The following PEAK1 variants were observed in gnomAD, a reference collection of about 807,000 sequenced individuals.
PEAK1 encodes pseudopodium enriched atypical kinase 1.
A neutral mutation model predicts 124.7 loss-of-function variants in PEAK1; 54 were observed. The ratio of observed to expected loss-of-function variants is 0.43; its 90% CI spans 0.35 to 0.54. The LOEUF (loss-of-function observed/expected upper bound fraction) is 0.54, where lower values mean the gene tolerates loss of function less well. Ranked by LOEUF, PEAK1 falls within the 20% of genes least tolerant of loss-of-function variation. PEAK1 has a pLI of 0.01. For missense variants in PEAK1, 2,046 were observed against 2,134.5 expected (o/e 0.96, Z 0.82); for synonymous variants, 719 against 760.0 (o/e 0.95, Z 0.89).
intron 7 of PEAK1, among the ~76,000 whole-genome samples, chr15:77,173,712 C>G (rs2056665427): frequency 6.6e-6 from 1 of 152,196 alleles, no homozygotes; most frequent in South Asian, 2.1e-4. Flanking sequence ...TTATCCTTTT[C>G]TAGCCACATG....
rs1366133020 is a variant in PEAK1 at position 77,113,004 on chromosome 15, TAGA to T, written c.*1149_*1151del. On this transcript the variant is annotated 3_prime_UTR_variant, in exon 10 of 10. Coordinates refer to ENST00000682557, the MANE Select transcript of PEAK1 (RefSeq NM_001385026.1). Reference sequence around the variant, plus strand: ...CTTAAACACTGGGAGGCAGTCTCTCTAGAAGAGGTCAACCTTCTGAGGAGGTCA... The same window carrying T: ...CTTAAACACTGGGAGGCAGTCTCTCTAGAGGTCAACCTTCTGAGGAGGTCA... 2.0e-5 allele frequency: 3 copies of T among 152,254 alleles called. No individual in the cohort carries two copies. Among genetic ancestry groups the T allele is most frequent in the Non-Finnish European group, 4.4e-5 (3 of 68,080 alleles). The allele number at this position is 152,254 out of a possible 1,614,324, so 9.4% of individuals were successfully genotyped here. A position where few individuals can be genotyped will look rare whatever the true frequency, so the allele number is the denominator to read the frequency against.
At chr15:77,327,645 A>G (rs1449134411) in intron 2 of PEAK1, among the ~76,000 whole-genome samples, 1 of 152,094 alleles carries the variant, frequency 6.6e-6, no homozygotes, top group African/African-American at 2.4e-5. Flanking sequence ...AACTAGTTAT[A>G]GATCATTGTT....
At chr15:77,262,829 C>A (rs1159313277) in intron 5 of PEAK1, among the ~76,000 whole-genome samples, 5 of 152,184 alleles carry the variant, frequency 3.3e-5, no homozygotes, top group Middle Eastern at 3.4e-3. Context: ...CACACCTATT[C>A]CAAAATTGAC....
intron 5 of PEAK1, among the ~76,000 whole-genome samples, chr15:77,276,029 TAAAAC>T (rs1361757605): frequency 6.6e-6 from 1 of 151,554 alleles, no homozygotes; most frequent in Non-Finnish European, 1.5e-5. Context: ...GTACTAAAAA[TAAAAC>T]AATAGAAATT....
In PEAK1 at chr15:77,114,199, G is replaced by A; in HGVS notation, c.5198C>T (p.Thr1733Ile). 1.9e-6 allele frequency: 3 copies of A among 1,614,232 alleles called. No homozygotes were observed. The highest frequency in any genetic ancestry group is 3.3e-4 in the Middle Eastern group (2 of 6,062). ...TTTCACAATACAACTGAGGGAGTCT[G>A]TAGTGGCAAAAGCCAAATACTGAGC... ...LCAQYLAFAT[T>I]DSLSCIVKIL... Residue 1733 changes from threonine to isoleucine, a missense_variant, in exon 10 of 10, where the codon ACA becomes ATA. By Grantham distance (89) the Thr-to-Ile change is moderately conservative. Coordinates refer to ENST00000682557, the MANE Select transcript of PEAK1 (RefSeq NM_001385026.1).
intron 9 of PEAK1, among the ~76,000 whole-genome samples, chr15:77,118,550 C>A (rs1169455807): frequency 6.6e-6 from 1 of 152,120 alleles, no homozygotes; most frequent in African/African-American, 2.4e-5. Flanking sequence ...TTCCTTCTGC[C>A]CTTACCCAGT....
intron 1 of PEAK1, chr15:77,401,534 A>C (rs2071375962): frequency 1.0e-6 from 1 of 975,032 alleles, no homozygotes. Flanking sequence ...CTAAAATCAC[A>C]TTTCTTTTGT....
At chr15:77,304,891 T>C (rs1036270129) in intron 2 of PEAK1, among the ~76,000 whole-genome samples, 2 of 152,080 alleles carry the variant, frequency 1.3e-5, no homozygotes, top group African/African-American at 4.8e-5. Flanking sequence ...AGGTTTCCTA[T>C]CTGTACAATG....
intron 1 of PEAK1, among the ~76,000 whole-genome samples, chr15:77,395,935 T>C (rs2070846081): frequency 1.3e-5 from 2 of 152,176 alleles, no homozygotes; most frequent in Admixed American, 6.5e-5. Flanking sequence ...AACACTGTAA[T>C]TGTGGTGTTT....
At chr15:77,299,164 A>G (rs1031073858) in intron 2 of PEAK1, among the ~76,000 whole-genome samples, 6 of 152,216 alleles carry the variant, frequency 3.9e-5, no homozygotes, top group Non-Finnish European at 8.8e-5. Flanking sequence ...TTGATTTTTT[A>G]TCATCAGTAT....
At chr15:77,250,118 T>A (rs1009410771) in intron 6 of PEAK1, among the ~76,000 whole-genome samples, 1 of 138,902 alleles carries the variant, frequency 7.2e-6, no homozygotes, top group South Asian at 2.2e-4. Context: ...CAATTAGAGA[T>A]TTTTTTTTAA....
intron 1 of PEAK1, among the ~76,000 whole-genome samples, chr15:77,414,431 A>C: frequency 6.9e-6 from 1 of 145,506 alleles, no homozygotes. Context: ...CATTTTGCCC[A>C]GGCTGATCTT....
At chr15:77,343,595 C>T (rs1051920043) in intron 2 of PEAK1, among the ~76,000 whole-genome samples, 1 of 151,416 alleles carries the variant, frequency 6.6e-6, no homozygotes, top group African/African-American at 2.4e-5. Flanking sequence ...CAATGATTCT[C>T]CTGCCTCAGC....
intron 6 of PEAK1, among the ~76,000 whole-genome samples, chr15:77,197,987 G>C (rs1285439197): frequency 6.6e-6 from 1 of 151,984 alleles, no homozygotes; most frequent in Admixed American, 6.5e-5. Flanking sequence ...TATATGGATA[G>C]TATATTTTAT....
At chr15:77,185,154 A>G (rs2057476989) in intron 6 of PEAK1, among the ~76,000 whole-genome samples, 1 of 152,222 alleles carries the variant, frequency 6.6e-6, no homozygotes, top group African/African-American at 2.4e-5. Context: ...AGGTTTATGT[A>G]TTCAAATGAT....
chr15:77,251,791 T>C (rs902248491), intron 6 of PEAK1, among the ~76,000 whole-genome samples: 1 of 152,186 alleles, frequency 6.6e-6, no homozygotes, highest in Non-Finnish European at 1.5e-5. Context: ...TTACCGCCTC[T>C]TTCCATGGTA....
chr15:77,216,487 C>T (rs1221943649), intron 6 of PEAK1, among the ~76,000 whole-genome samples: 1 of 152,138 alleles, frequency 6.6e-6, no homozygotes, highest in Non-Finnish European at 1.5e-5. Context: ...TATAGTAAAG[C>T]TTGGGTGGAA....
intron 1 of PEAK1, among the ~76,000 whole-genome samples, chr15:77,407,807 G>A (rs968326478): frequency 1.3e-5 from 2 of 151,908 alleles, no homozygotes; most frequent in Non-Finnish European, 2.9e-5. Context: ...ATTTGCACAG[G>A]CATGTTTATA....
intron 2 of PEAK1, among the ~76,000 whole-genome samples, chr15:77,309,664 C>T (rs2064315954): frequency 2.0e-5 from 3 of 152,102 alleles, no homozygotes; most frequent in Non-Finnish European, 4.4e-5. Context: ...TTTATTTAAT[C>T]CACCAAAAAA....
Sources: gnomAD v4.1 joint callset for allele counts (sites outside exome capture counted in the v4.1 genomes callset) on GRCh38, gnomAD v4.1.1 for gene constraint, MANE v1.5 for transcripts, NCBI Gene and HGNC (gene_info 2026-07-23, HGNC 2026-07-21) for gene names.